ZNF629: variants seen among roughly 807,000 people sequenced by gnomAD.
ZNF629 encodes DNA-binding protein.
In ZNF629, 9 loss-of-function variants were observed where a neutral mutation model predicts 59.7. The ratio of observed to expected loss-of-function variants is 0.15; its 90% confidence interval spans 0.09 to 0.26. The LOEUF (loss-of-function observed/expected upper bound fraction) is 0.26, where lower values mean the gene tolerates loss of function less well. Among genes scored for constraint, ZNF629 ranks in the 10% least tolerant of loss-of-function variants. The pLI is 1.00. For missense variants in ZNF629, 853 were observed against 1,165.4 expected (o/e 0.73, Z 3.90); for synonymous variants, 509 against 498.9 (o/e 1.02, Z -0.27).
chr16:30,783,190 C>T lies in ZNF629; in HGVS notation c.1138G>A (p.Gly380Ser), dbSNP rs1253999423. The T allele has an allele frequency of 1.2e-6, 2 of 1,613,016 alleles. No homozygotes were observed. Among genetic ancestry groups the T allele is most frequent in the African/African-American group, 1.3e-5 (1 of 74,772 alleles). The part of the protein sequence containing the change: ...REDPFKCPVC[G>S]KTFTLSATLL... ...GTGGCGCTCAGGGTGAAGGTCTTGC[C>T]GCACACTGGGCACTTGAACGGGTCC... The change falls in exon 3 of 3, where the codon GGC (glycine) becomes AGC (serine). Residue 380 changes from glycine to serine, a missense_variant. Coordinates refer to ENST00000262525, the MANE Select transcript of ZNF629 (RefSeq NM_001080417.3).
rs200916190 is a variant in ZNF629, at chr16:30,784,398, T to C, written c.73+12A>G. ...TCTTGCCGGGACCGCAGCCCCTTCTTGTGCCCCTCACCTCTGTGAGCATCG... is the reference window on the plus strand; with the variant it reads ...TCTTGCCGGGACCGCAGCCCCTTCTCGTGCCCCTCACCTCTGTGAGCATCG... On this transcript the variant is annotated intron_variant, in intron 2 of 2. Transcript: ENST00000262525. The C allele has an allele frequency of 4.1e-5, 64 of 1,562,296 alleles. No individual in the cohort carries two copies. In the African/African-American group the frequency reaches 8.5e-4, roughly 21 times the overall value.
chr16:30,783,086 G>A lies in ZNF629; in HGVS notation c.1242C>T (p.Ser414=). 1 of 1,614,122 alleles carries A rather than the reference G, an allele frequency of 6.2e-7. No homozygotes were observed. The highest frequency in any genetic ancestry group is 1.3e-5 in the African/African-American group (1 of 75,046). The change falls in exon 3 of 3, where the codon AGC becomes AGT. Residue 414 remains serine, a synonymous_variant. Transcript: ENST00000262525. The stretch of plus-strand genomic sequence containing the variant: ...TGCGCTGGTGGTTGATGAGGTTGGA[G>A]CTGACGCTGAAGCTCTTGCCGCACT... The part of the protein sequence containing the change: ...CPECGKSFSV[S]SNLINHQRIH...
At position 30,782,434 on chromosome 16, in the gene ZNF629, C is replaced by T. The variant is rs1344705252; in HGVS notation, c.1894G>A (p.Gly632Ser). 1.3e-6 allele frequency: 2 copies of T among 1,565,808 alleles called. No homozygotes were observed. Among genetic ancestry groups the T allele is most frequent in the Non-Finnish European group, 1.7e-6 (2 of 1,154,762 alleles). ...GGCTGTCCGGGGGCCTCCGCTCTGC[C>T]CTCCGCAGCCCCGGGGTAGGAATTC... ...RGNSYPGAAEGRAEAPGQPLK... is the reference protein window; with the variant it reads ...RGNSYPGAAESRAEAPGQPLK... Residue 632 changes from glycine (G) to serine (S), a missense_variant, in exon 3 of 3, where the codon GGC (glycine) becomes AGC (serine). Coordinates refer to ENST00000262525, the MANE Select transcript of ZNF629 (RefSeq NM_001080417.3).
At position 30,782,634 on chromosome 16, in the gene ZNF629, C is replaced by G; in HGVS notation, c.1694G>C (p.Gly565Ala). 1 of 1,573,090 alleles carries G rather than the reference C, an allele frequency of 6.4e-7. No homozygotes were observed. The highest frequency in any genetic ancestry group is 8.6e-7 in the Non-Finnish European group (1 of 1,159,318). ...GDPSLLTPPPGAKPHKCLVCG... is the reference protein window; with the variant it reads ...GDPSLLTPPPAAKPHKCLVCG... ...CACGAGACACTTGTGCGGCTTGGCT[C>G]CCGGCGGCGGGGTCAGCAGGGAGGG... Residue 565 changes from glycine (G) to alanine (A), a missense_variant, in exon 3 of 3, where the codon GGA becomes GCA. Gly to Ala is a moderately conservative substitution (Grantham distance 60). Transcript: ENST00000262525.
At position 30,781,432 on chromosome 16, in the gene ZNF629, A is replaced by G. The variant is rs539059141; in HGVS notation, c.*286T>C. On this transcript the variant is annotated 3_prime_UTR_variant, in exon 3 of 3. Transcript: ENST00000262525. ...ATAGGGCTTTTATCCACTATGGTTT[A>G]TAGGGTTTTTCTGCTACAGACTTAA... 1 of 277,194 alleles carries G rather than the reference A, an allele frequency of 3.6e-6. No individual in the cohort carries two copies. The highest frequency in any genetic ancestry group is 2.2e-5 in the African/African-American group (1 of 45,636). The allele number at this position is 277,194 out of a possible 1,614,324, so 17.2% of individuals were successfully genotyped here.
chr16:30,784,133 T>C lies in ZNF629; in HGVS notation c.195A>G (p.Arg65=), dbSNP rs1437622750. Reference sequence around the variant, plus strand: ...GGGGGACAGAGGGGTCCTGGGAGGATCTCTCCAGGGACATCTCTGTTGAGT... The same window carrying C: ...GGGGGACAGAGGGGTCCTGGGAGGACCTCTCCAGGGACATCTCTGTTGAGT... The part of the protein sequence containing the change: ...SKDSTEMSLE[R]SSQDPSVPQN... Residue 65 remains arginine (R), a synonymous_variant, in exon 3 of 3, where the codon AGA becomes AGG. Coordinates refer to ENST00000262525, the MANE Select transcript of ZNF629 (RefSeq NM_001080417.3). 1.2e-6 allele frequency: 2 copies of C among 1,609,406 alleles called. No homozygotes were observed. The highest frequency in any genetic ancestry group is 1.7e-5 in the Admixed American group (1 of 59,704).
rs905350009 is a variant in ZNF629, at chr16:30,786,613, G to A, written c.-34+415C>T. Among the ~76,000 whole-genome samples, 2 of 151,980 alleles carry A rather than the reference G, an allele frequency of 1.3e-5. No individual in the cohort carries two copies. Among genetic ancestry groups the A allele is most frequent in the African/African-American group, 2.4e-5 (1 of 41,372 alleles). Reference sequence around the variant, plus strand: ...GGAGGCGGCGGGAATGCGGCCGCCCGGCCCGGCCCCCCCACCGCTTGGCTC... The same window carrying A: ...GGAGGCGGCGGGAATGCGGCCGCCCAGCCCGGCCCCCCCACCGCTTGGCTC... On this transcript the variant is annotated intron_variant, in intron 1 of 2. Transcript: ENST00000262525. This position sits in a 1 kb window ranked among gnomAD's most constrained non-coding sequence, Gnocchi z 4.8.
intron 1 of ZNF629, among the ~76,000 whole-genome samples, chr16:30,784,771 A>G (rs1429273105): frequency 1.3e-5 from 2 of 152,174 alleles, no homozygotes; most frequent in Admixed American, 6.5e-5. Context: ...CTCATCACTC[A>G]TAAGCCTTTG....
intron 2 of ZNF629, 32 bp downstream of exon 2, chr16:30,784,378 C>A: frequency 1.3e-6 from 2 of 1,549,490 alleles, no homozygotes; most frequent in Non-Finnish European, 1.7e-6. Context: ...CACCGTCTTG[C>A]CGGGACCGCA....
Position 30,783,894 on chromosome 16 carries a change from C to T in ZNF629, c.434G>A (p.Gly145Glu). The T allele has an allele frequency of 6.3e-7, 1 of 1,599,214 alleles. No homozygotes were observed. Among genetic ancestry groups the T allele is most frequent in the South Asian group, 1.1e-5 (1 of 89,098 alleles). ...GTTGCAGATGTAGGGCTTCTCCGCC[C>T]CCGCCGGGCGGCCCTGCACCAGCTC... ...LRELVQGRPA[G>E]AEKPYICNEC... The change falls in exon 3 of 3, where the codon GGG (glycine) becomes GAG (glutamate). Residue 145 changes from glycine (G) to glutamate (E), a missense_variant. Coordinates refer to ENST00000262525, the MANE Select transcript of ZNF629 (RefSeq NM_001080417.3).
chr16:30,783,020 G>A lies in ZNF629; in HGVS notation c.1308C>T (p.Gly436=). 6.2e-7 allele frequency: 1 copy of A among 1,614,024 alleles called. No homozygotes were observed. The highest frequency in any genetic ancestry group is 8.5e-7 in the Non-Finnish European group (1 of 1,179,974). Residue 436 remains glycine, a synonymous_variant, in exon 3 of 3, where the codon GGC becomes GGT. Coordinates refer to ENST00000262525, the MANE Select transcript of ZNF629 (RefSeq NM_001080417.3). ...GERPYICADC[G]KSFIMSSTLI... is the part of the protein sequence containing the mutation. ...GGGTGGAGCTCATGATGAAGCTCTT[G>A]CCGCAGTCGGCGCAGATGTAGGGCC...
Position 30,782,209 on chromosome 16 carries a change from G to A in ZNF629, c.2119C>T (p.Pro707Ser). ...TTAAAGGGCTTCCCACTTAAGAAGG[G>A]GCTGGGCCCTGCGCCTTCCCCTAGG... ...IGLGEGAGPS[P>S]FLSGKPFKCP... Residue 707 changes from proline (P) to serine (S), a missense_variant, in exon 3 of 3, where the codon CCC (proline) becomes TCC (serine). By Grantham distance (74) the Pro-to-Ser change is moderately conservative. Transcript: ENST00000262525. 6.2e-7 allele frequency: 1 copy of A among 1,613,700 alleles called. No homozygotes were observed.
chr16:30,782,154 A>C lies in ZNF629; in HGVS notation c.2174T>G (p.Leu725Arg), dbSNP rs2054287431. ...CTGGTGCAGCAGCAGCTCAGAGCTGAGGCCAAAGCTTTGTTTGCATTCAGG... is the reference window on the plus strand; with the variant it reads ...CTGGTGCAGCAGCAGCTCAGAGCTGCGGCCAAAGCTTTGTTTGCATTCAGG... Reference protein sequence around the residue: ...KCPECKQSFGLSSELLLHQKV... With the variant: ...KCPECKQSFGRSSELLLHQKV... Residue 725 changes from leucine to arginine, a missense_variant, in exon 3 of 3, where the codon CTC becomes CGC. By Grantham distance (102) the Leu-to-Arg change is moderately radical. Transcript: ENST00000262525. The C allele has an allele frequency of 6.2e-7, 1 of 1,613,444 alleles. No individual in the cohort carries two copies. The highest frequency in any genetic ancestry group is 2.2e-5 in the East Asian group (1 of 44,870).
rs2054280445 is a variant in ZNF629 at position 30,781,488 on chromosome 16, G to T, written c.*230C>A. The T allele has an allele frequency of 5.1e-6, 2 of 391,998 alleles. No individual in the cohort carries two copies. The highest frequency in any genetic ancestry group is 4.3e-5 in the Admixed American group (1 of 23,202). 24.3% of individuals were successfully genotyped at this position (391,998 alleles called of 1,614,324 possible). A position where few individuals can be genotyped will look rare whatever the true frequency, so the allele number is the denominator to read the frequency against. ...TTTTTTTTTTCCTACATATTTATAG[G>T]GTTTCTAACCCAACAGTTTTTCTCT... is the stretch of plus-strand genomic sequence containing the variant. On this transcript the variant is annotated 3_prime_UTR_variant, in exon 3 of 3. Transcript: ENST00000262525.
rs569847701 is a variant in ZNF629 at position 30,780,266 on chromosome 16, C to A, written c.*1452G>T. 32 of 152,520 alleles carry A rather than the reference C, an allele frequency of 2.1e-4. No homozygotes were observed. Among genetic ancestry groups the A allele is most frequent in the African/African-American group, 7.5e-4 (31 of 41,438 alleles). 9.4% of individuals were successfully genotyped at this position (152,520 alleles called of 1,614,324 possible). On this transcript the variant is annotated 3_prime_UTR_variant, in exon 3 of 3. Coordinates refer to ENST00000262525, the MANE Select transcript of ZNF629 (RefSeq NM_001080417.3). ...GGTGAAGAGGGTGATACGGCCTCTG[C>A]GGACTCTTCAGGGACCTGTGGCTCA...
Position 30,787,049 on chromosome 16 carries a change from CCGGAAGG to C in ZNF629, c.-62_-56del. On this transcript the variant is annotated 5_prime_UTR_variant, in exon 1 of 3. Coordinates refer to ENST00000262525, the MANE Select transcript of ZNF629 (RefSeq NM_001080417.3). ...TCACGGCTCTGGGGTCTGGGAAAAG[CCGGAAGG>C]CGGAATCCAGCCCCAGGGGACTTAA... 1 of 152,782 alleles carries C rather than the reference CCGGAAGG, an allele frequency of 6.5e-6. No homozygotes were observed. Among genetic ancestry groups the C allele is most frequent in the East Asian group, 1.9e-4 (1 of 5,174 alleles). 9.5% of individuals were successfully genotyped at this position (152,782 alleles called of 1,614,324 possible).
rs2054341560 is a variant in ZNF629, at chr16:30,787,062, T to A, written c.-68A>T. 6.6e-6 allele frequency: 1 copy of A among 152,616 alleles called. No individual in the cohort carries two copies. Among genetic ancestry groups the A allele is most frequent in the African/African-American group, 2.4e-5 (1 of 41,422 alleles). 9.5% of individuals were successfully genotyped at this position (152,616 alleles called of 1,614,324 possible). On this transcript the variant is annotated 5_prime_UTR_variant, in exon 1 of 3. Coordinates refer to ENST00000262525, the MANE Select transcript of ZNF629 (RefSeq NM_001080417.3). ...GTCTGGGAAAAGCCGGAAGGCGGAA[T>A]CCAGCCCCAGGGGACTTAACCCCTT...
At position 30,786,227 on chromosome 16, in the gene ZNF629, C is replaced by T. The variant is rs936944846; in HGVS notation, c.-34+801G>A. Among the ~76,000 whole-genome samples the T allele has an allele frequency of 1.3e-5, 2 of 152,154 alleles. No individual in the cohort carries two copies. The highest frequency in any genetic ancestry group is 4.8e-5 in the African/African-American group (2 of 41,432). ...GCAGCTACTTAAGCTCCGAGAATCC[C>T]CCCTCCCCGCCTGTAAGTGTCTTTG... is the stretch of plus-strand genomic sequence containing the variant. On this transcript the variant is annotated intron_variant, in intron 1 of 2. Coordinates refer to ENST00000262525, the MANE Select transcript of ZNF629 (RefSeq NM_001080417.3). The surrounding 1 kb of genome is among the most constrained non-coding windows in gnomAD (Gnocchi z 4.8).
Position 30,781,845 on chromosome 16 carries a change from C to G in ZNF629, c.2483G>C (p.Gly828Ala). Reference protein sequence around the residue: ...TPTPTESSSHGEGQNPKTLVE... With the variant: ...TPTPTESSSHAEGQNPKTLVE... The stretch of plus-strand genomic sequence containing the variant: ...TAGGGTTTTGGGGTTTTGCCCTTCC[C>G]CATGGCTGCTGCTCTCTGTGGGGGT... The change falls in exon 3 of 3, where the codon GGG (glycine) becomes GCG (alanine). Residue 828 changes from glycine to alanine, a missense_variant. Gly to Ala is a moderately conservative substitution (Grantham distance 60). Transcript: ENST00000262525. The G allele has an allele frequency of 6.3e-7, 1 of 1,595,818 alleles. No individual in the cohort carries two copies. The highest frequency in any genetic ancestry group is 2.3e-5 in the East Asian group (1 of 44,388).
Sources: allele counts gnomAD v4.1 joint callset (sites outside exome capture counted in the v4.1 genomes callset), GRCh38; gene constraint gnomAD v4.1.1; non-coding constraint Gnocchi (gnomAD v3.1); transcripts MANE v1.5; gene names NCBI Gene and HGNC (gene_info 2026-07-23, HGNC 2026-07-21).